CDH2: variants seen among roughly 807,000 people sequenced by gnomAD.
The protein encoded by CDH2 is cadherin 2.
A neutral mutation model predicts 92.0 loss-of-function variants in CDH2; 17 were observed. The ratio of observed to expected loss-of-function variants is 0.18; its 90% CI spans 0.13 to 0.28. CDH2 has a LOEUF of 0.28. CDH2 is among the 10% of genes least tolerant of loss of function. The pLI, the probability that CDH2 is intolerant of heterozygous loss-of-function variation, is 1.00. For missense variants in CDH2, 862 were observed against 1,133.1 expected (o/e 0.76, Z 3.44); for synonymous variants, 419 against 415.9 (o/e 1.01, Z -0.09).
chr18:28,126,793 C>T (rs1007373587), intron 2 of CDH2, among the ~76,000 whole-genome samples: 7 of 152,126 alleles, frequency 4.6e-5, no homozygotes, highest in Non-Finnish European at 8.8e-5. Context: ...GCAGAACTAT[C>T]GGTCTGGTGG....
At chr18:28,155,954 A>G (rs2016203818) in intron 1 of CDH2, among the ~76,000 whole-genome samples, 1 of 152,116 alleles carries the variant, frequency 6.6e-6, no homozygotes, top group African/African-American at 2.4e-5. Flanking sequence ...AATGCTTAAA[A>G]CGTGCAGAAG....
chr18:28,174,303 C>G (rs1283515388), intron 1 of CDH2, among the ~76,000 whole-genome samples: 2 of 151,988 alleles, frequency 1.3e-5, no homozygotes, highest in African/African-American at 4.8e-5. Flanking sequence ...AGGACAGCCA[C>G]TTTCACCTTG....
intron 2 of CDH2, among the ~76,000 whole-genome samples, chr18:28,132,298 T>C (rs2015785153): frequency 6.6e-6 from 1 of 152,194 alleles, no homozygotes; most frequent in Non-Finnish European, 1.5e-5. Context: ...CTAACGTGAC[T>C]GGAGGCCCAG....
chr18:28,063,024 T>C (rs2014434497), intron 2 of CDH2, among the ~76,000 whole-genome samples: 1 of 152,148 alleles, frequency 6.6e-6, no homozygotes, highest in Non-Finnish European at 1.5e-5. Context: ...GTTAAAACTA[T>C]GTTATAATAG....
intron 14 of CDH2, among the ~76,000 whole-genome samples, chr18:27,972,035 A>G (rs2011674892): frequency 6.6e-6 from 1 of 152,104 alleles, no homozygotes; most frequent in Non-Finnish European, 1.5e-5. Flanking sequence ...CTGGCTCAAG[A>G]AGAGATTTCT....
In CDH2 at chr18:27,988,640, T is replaced by C. The variant is rs140291781; in HGVS notation, c.1625A>G (p.Asn542Ser). 5.0e-6 allele frequency: 8 copies of C among 1,607,160 alleles called. No homozygotes were observed. Among genetic ancestry groups the C allele is most frequent in the Non-Finnish European group, 6.0e-6 (7 of 1,173,902 alleles). The part of the protein sequence containing the change: ...IRYTKLSDPA[N>S]WLKIDPVNGQ... ...ATTCACAGGATCTATTTTTAGCCAA[T>C]TGGCAGGATCAGATAATTTAGTGTA... Residue 542 changes from asparagine (N) to serine (S), a missense_variant, in exon 11 of 16, where the codon AAT becomes AGT. By Grantham distance (46) the Asn-to-Ser change is conservative. Coordinates refer to ENST00000269141, the MANE Select transcript of CDH2 (RefSeq NM_001792.5).
intron 4 of CDH2, 49 bp from the exon 5 acceptor site, chr18:28,009,921 A>G: frequency 6.9e-7 from 1 of 1,445,098 alleles, no homozygotes; most frequent in Non-Finnish European, 9.5e-7. Context: ...AAATGAGCTC[A>G]TTATCAGAGA....
intron 2 of CDH2, among the ~76,000 whole-genome samples, chr18:28,081,069 G>C (rs1361442595): frequency 1.3e-5 from 2 of 152,134 alleles, no homozygotes; most frequent in Non-Finnish European, 2.9e-5. Context: ...AGAGGCACCT[G>C]TGAGGCTCAA....
intron 6 of CDH2, among the ~76,000 whole-genome samples, chr18:27,941,073 T>G (rs1346982267): frequency 6.7e-6 from 1 of 148,862 alleles, no homozygotes; most frequent in African/African-American, 2.5e-5. Context: ...TCTCGCTCTG[T>G]CGCCCAGGCT....
At chr18:28,073,013 T>C (rs1148376) in intron 2 of CDH2, among the ~76,000 whole-genome samples, 81,606 of 151,986 alleles carry the variant, frequency 0.54, 22,630 homozygotes, top group African/African-American at 0.68. Context: ...CTGTCAATAA[T>C]GTCACATAAA....
At chr18:28,157,743 T>C (rs1489879096) in intron 1 of CDH2, among the ~76,000 whole-genome samples, 2 of 152,136 alleles carry the variant, frequency 1.3e-5, no homozygotes, top group African/African-American at 2.4e-5. Flanking sequence ...ATGTGATATA[T>C]GCTAATAAAA....
At chr18:28,059,031 G>A (rs1308903687) in intron 2 of CDH2, among the ~76,000 whole-genome samples, 2 of 152,096 alleles carry the variant, frequency 1.3e-5, no homozygotes, top group Non-Finnish European at 2.9e-5. Context: ...TTGATTTATG[G>A]GGGCCCTTGC....
At chr18:28,091,863 C>T (rs566507635) in intron 2 of CDH2, among the ~76,000 whole-genome samples, 1 of 152,138 alleles carries the variant, frequency 6.6e-6, no homozygotes, top group South Asian at 2.1e-4. Context: ...TTACAGACTG[C>T]CTGGCTTAAA....
intron 2 of CDH2, among the ~76,000 whole-genome samples, chr18:28,082,863 C>G (rs887220287): frequency 4.6e-5 from 7 of 152,188 alleles, no homozygotes; most frequent in Non-Finnish European, 1.0e-4. Flanking sequence ...TATTTCAGCA[C>G]TGGTGGAAGG....
chr18:28,083,684 T>C (rs191140431), intron 2 of CDH2, among the ~76,000 whole-genome samples: 10 of 152,312 alleles, frequency 6.6e-5, no homozygotes, highest in African/African-American at 1.9e-4. Context: ...GATGTGAATA[T>C]GCTCTTTCGA....
chr18:27,961,579 C>A (rs574663934), intron 15 of CDH2, among the ~76,000 whole-genome samples: 72 of 152,160 alleles, frequency 4.7e-4, no homozygotes, highest in South Asian at 4.2e-3. Context: ...AGTGGGGCTG[C>A]AGCACAGAAA....
chr18:27,987,561 A>C (rs1567951118), intron 11 of CDH2, among the ~76,000 whole-genome samples: 1 of 152,166 alleles, frequency 6.6e-6, no homozygotes, highest in Non-Finnish European at 1.5e-5. Context: ...GAAGCCTGCT[A>C]TTTTTTATTA....
At chr18:28,094,028 T>TA (rs1412453941) in intron 2 of CDH2, among the ~76,000 whole-genome samples, 2 of 152,302 alleles carry the variant, frequency 1.3e-5, no homozygotes, top group East Asian at 3.9e-4. Context: ...ATTAAAAACT[T>TA]AGACTCAAAT....
At chr18:28,060,468 T>C (rs1028535480) in intron 2 of CDH2, among the ~76,000 whole-genome samples, 6 of 152,204 alleles carry the variant, frequency 3.9e-5, no homozygotes, top group African/African-American at 1.4e-4. Context: ...ATTACAGGCA[T>C]GAGCCACTGC....
Sources: gnomAD v4.1 joint callset for allele counts (sites outside exome capture counted in the v4.1 genomes callset) on GRCh38, gnomAD v4.1.1 for gene constraint, MANE v1.5 for transcripts, NCBI Gene and HGNC (gene_info 2026-07-23, HGNC 2026-07-21) for gene names.